LINC00305: variants seen among roughly 807,000 people sequenced by gnomAD.
The protein encoded by LINC00305 is long independently transcribed non-coding RNA 305.
chr18:64,095,414 C>T (rs1224713464), intron 3 of LINC00305, among the ~76,000 whole-genome samples: 1 of 151,824 alleles, frequency 6.6e-6, no homozygotes, highest in Non-Finnish European at 1.5e-5. Flanking sequence ...TATATTTGGG[C>T]AATACCTGCT....
chr18:64,084,877 C>T (rs1354766558), intron 3 of LINC00305, among the ~76,000 whole-genome samples: 1 of 152,234 alleles, frequency 6.6e-6, no homozygotes, highest in Non-Finnish European at 1.5e-5. Context: ...AATCCCCAAG[C>T]ACTACTCTTC....
intron 1 of LINC00305, among the ~76,000 whole-genome samples, chr18:64,102,428 G>A (rs1599211647): frequency 6.6e-6 from 1 of 152,114 alleles, no homozygotes; most frequent in Admixed American, 6.6e-5. Context: ...GTACTCTGTG[G>A]TTACAAGTCC....
At chr18:64,084,454 C>T (rs2051195955) in intron 3 of LINC00305, among the ~76,000 whole-genome samples, 1 of 152,060 alleles carries the variant, frequency 6.6e-6, no homozygotes, top group South Asian at 2.1e-4. Flanking sequence ...GGTAACAATA[C>T]CGCACATGTA....
At chr18:64,148,928 T>C (rs1444460496) in exon 1 of LINC00305, 2 of 152,148 alleles carry the variant, frequency 1.3e-5, no homozygotes, top group East Asian at 1.9e-4. Flanking sequence ...ATCTGAGAAG[T>C]AGCACTAGGG....
intron 3 of LINC00305, among the ~76,000 whole-genome samples, chr18:64,088,223 A>G (rs17712285): frequency 0.025 from 3,767 of 152,112 alleles, 72 homozygotes; most frequent in Middle Eastern, 0.082. Context: ...ATAACCAGAA[A>G]TTTGTGATTT....
chr18:64,137,233 C>T (rs2051439091), intron 1 of LINC00305, among the ~76,000 whole-genome samples: 1 of 152,258 alleles, frequency 6.6e-6, no homozygotes, highest in South Asian at 2.1e-4. Context: ...CTGGCAACCA[C>T]CAGAAGCTGG....
At chr18:64,127,151 C>T (rs941584230) in intron 1 of LINC00305, among the ~76,000 whole-genome samples, 6 of 151,946 alleles carry the variant, frequency 3.9e-5, no homozygotes, top group Non-Finnish European at 7.4e-5. Flanking sequence ...CAGAAATAAA[C>T]AATAATTTAT....
chr18:64,098,031 GCAA>G, intron 2 of LINC00305: 1 of 456,864 alleles, frequency 2.2e-6, no homozygotes, highest in Non-Finnish European at 4.4e-6. Flanking sequence ...GAGCAAGGTG[GCAA>G]CAACTAACCA....
intron 3 of LINC00305, among the ~76,000 whole-genome samples, chr18:64,086,994 A>AG (rs759386353): frequency 1.1e-4 from 16 of 152,176 alleles, no homozygotes; most frequent in Non-Finnish European, 2.2e-4. Flanking sequence ...AGGGAAAGAG[A>AG]GGGTCTATAA....
At chr18:64,123,408 A>C (rs190670127) in intron 1 of LINC00305, among the ~76,000 whole-genome samples, 179 of 152,120 alleles carry the variant, frequency 1.2e-3, no homozygotes, top group Middle Eastern at 6.8e-3. Context: ...AAGACTCATA[A>C]ATTTCAGAAT....
intron 1 of LINC00305, among the ~76,000 whole-genome samples, chr18:64,137,847 T>TACACACAC (rs34096602): frequency 0.071 from 10,515 of 148,528 alleles, 517 homozygotes; most frequent in Non-Finnish European, 0.11. Context: ...TACACACACA[T>TACACACAC]ACACACACAC....
chr18:64,087,994 G>A (rs2051210240), intron 3 of LINC00305, among the ~76,000 whole-genome samples: 1 of 152,264 alleles, frequency 6.6e-6, no homozygotes, highest in African/African-American at 2.4e-5. Context: ...GTGGTGGCGG[G>A]CGCCTGTAGT....
At chr18:64,105,421 T>C (rs558980722) in intron 1 of LINC00305, among the ~76,000 whole-genome samples, 2 of 152,252 alleles carry the variant, frequency 1.3e-5, no homozygotes, top group East Asian at 1.9e-4. Context: ...ATTGTACCAC[T>C]GCACTCCAGC....
intron 1 of LINC00305, among the ~76,000 whole-genome samples, chr18:64,130,717 A>T (rs1004096353): frequency 6.6e-6 from 1 of 152,160 alleles, no homozygotes; most frequent in African/African-American, 2.4e-5. Flanking sequence ...TTTGTGCTGT[A>T]ATTGATGAAT....
At chr18:64,112,516 G>C (rs918598297) in intron 1 of LINC00305, among the ~76,000 whole-genome samples, 1 of 152,050 alleles carries the variant, frequency 6.6e-6, no homozygotes, top group Non-Finnish European at 1.5e-5. Flanking sequence ...TATTTATGGT[G>C]TTTATTTTTA....
intron 1 of LINC00305, among the ~76,000 whole-genome samples, chr18:64,148,483 A>G (rs1192301491): frequency 6.6e-6 from 1 of 152,034 alleles, no homozygotes; most frequent in Non-Finnish European, 1.5e-5. Flanking sequence ...ACTGTCTTAT[A>G]AGGGAATTTA....
chr18:64,096,188 T>C (rs896116417), intron 3 of LINC00305, among the ~76,000 whole-genome samples: 3 of 151,976 alleles, frequency 2.0e-5, no homozygotes, highest in Non-Finnish European at 4.4e-5. Flanking sequence ...AACATAAAAC[T>C]TGATAAAGTG....
chr18:64,141,051 A>AT (rs1491168679), intron 1 of LINC00305, among the ~76,000 whole-genome samples: 5 of 45,842 alleles, frequency 1.1e-4, no homozygotes, highest in East Asian at 6.3e-4. Context: ...AGCCTGAATG[A>AT]TAAAAAAAAA....
At chr18:64,098,552 G>C in intron 2 of LINC00305, 1 of 439,528 alleles carries the variant, frequency 2.3e-6, no homozygotes, top group Non-Finnish European at 4.5e-6. Flanking sequence ...TAACTTTAAA[G>C]AAAGAATTTG....
Sources: allele counts gnomAD v4.1 joint callset (sites outside exome capture counted in the v4.1 genomes callset), GRCh38; gene constraint gnomAD v4.1.1; transcripts MANE v1.5; gene names NCBI Gene and HGNC (gene_info 2026-07-23, HGNC 2026-07-21).